The following INPP5B variants were observed in gnomAD, a reference collection of about 807,000 sequenced individuals.
The protein encoded by INPP5B is inositol polyphosphate-5-phosphatase B.
A neutral mutation model predicts 118.5 loss-of-function variants in INPP5B; 90 were observed. That is an observed-to-expected ratio of 0.76 (90% confidence interval 0.64 to 0.90). INPP5B has a LOEUF of 0.90. INPP5B is among the 40% of genes least tolerant of loss of function. The pLI, the probability that INPP5B is intolerant of heterozygous loss-of-function variation, is 0.00. For missense variants in INPP5B, 984 were observed against 1,125.6 expected (o/e 0.87, Z 1.80); for synonymous variants, 385 against 418.9 (o/e 0.92, Z 0.99).
chr1:37,864,354 G>T lies in INPP5B; in HGVS notation c.2584C>A (p.Leu862Met). ...HYLMAFLREL[L>M]KNSAKNHLDE... ...AAATGATTTTTTGCTGAATTTTTCAGCAGTTCTCGCAAAAACGCCATCAAG... is the reference window on the plus strand; with the variant it reads ...AAATGATTTTTTGCTGAATTTTTCATCAGTTCTCGCAAAAACGCCATCAAG... Residue 862 changes from leucine (L) to methionine (M), a missense_variant, in exon 23 of 24, where the codon CTG becomes ATG. Leu to Met is a conservative substitution (Grantham distance 15). Around this residue, in one of 2 missense-constraint regions of INPP5B, gnomAD observed 634 missense variants for 791.0 expected, o/e 0.80. Coordinates refer to ENST00000373024, the MANE Select transcript of INPP5B (RefSeq NM_005540.3). 6.2e-7 allele frequency: 1 copy of T among 1,612,788 alleles called. No homozygotes were observed.
At chr1:37,943,962 C>T (rs1015113251) in intron 3 of INPP5B, 69 bp from the exon 4 acceptor site, 13 of 1,162,788 alleles carry the variant, frequency 1.1e-5, no homozygotes, top group East Asian at 2.3e-5. Context: ...TTGGAGGTCT[C>T]GGGGTGCTCA....
chr1:37,910,202 G>A (rs747733898), intron 7 of INPP5B, among the ~76,000 whole-genome samples: 1 of 152,164 alleles, frequency 6.6e-6, no homozygotes, highest in Non-Finnish European at 1.5e-5. Context: ...TGGAGGGTAA[G>A]TCCATCCTCT....
chr1:37,864,292 A>T lies in INPP5B; in HGVS notation c.2626+20T>A. 7.3e-7 allele frequency: 1 copy of T among 1,373,032 alleles called. No homozygotes were observed. The highest frequency in any genetic ancestry group is 1.2e-5 in the South Asian group (1 of 84,052). 85.1% of individuals were successfully genotyped at this position (1,373,032 alleles called of 1,614,324 possible). ...CTCTCAGTTTGCAGAAATGCTTTCC[A>T]TAGACATTTGGCTGCTTACCTAGAA... On this transcript the variant is annotated intron_variant, in intron 23 of 23. Transcript: ENST00000373024.
intron 7 of INPP5B, among the ~76,000 whole-genome samples, chr1:37,911,305 G>T (rs2148601225): frequency 6.6e-6 from 1 of 152,104 alleles, no homozygotes; most frequent in African/African-American, 2.4e-5. Flanking sequence ...ACTCTTTGTT[G>T]AGTCTCCCAC....
At chr1:37,898,564 A>G (rs1390854153) in intron 7 of INPP5B, among the ~76,000 whole-genome samples, 1 of 152,076 alleles carries the variant, frequency 6.6e-6, no homozygotes, top group Non-Finnish European at 1.5e-5. Context: ...GAGCGGTGGC[A>G]GGCACCTGTA....
At chr1:37,881,300 G>A (rs755051131) in intron 14 of INPP5B, among the ~76,000 whole-genome samples, 6 of 152,166 alleles carry the variant, frequency 3.9e-5, no homozygotes, top group Non-Finnish European at 7.3e-5. Context: ...TCTTTAGAAA[G>A]ATTCACTGTC....
intron 21 of INPP5B, 86 bp from the exon 22 acceptor site, chr1:37,865,974 GCCTGC>G (rs1642004411): frequency 6.4e-7 from 1 of 1,569,438 alleles, no homozygotes; most frequent in Admixed American, 1.7e-5. Context: ...CAGAAGTGCT[GCCTGC>G]CCTGTCAGGC....
chr1:37,905,830 C>CT (rs1156710616), intron 7 of INPP5B, among the ~76,000 whole-genome samples: 1 of 152,172 alleles, frequency 6.6e-6, no homozygotes, highest in Non-Finnish European at 1.5e-5. Flanking sequence ...CTAAAGTAAT[C>CT]TTTTTGACTT....
In INPP5B at chr1:37,931,948, A is replaced by G. The variant is rs541879600; in HGVS notation, c.497T>C (p.Leu166Pro). 4.2e-5 allele frequency: 67 copies of G among 1,614,014 alleles called. No homozygotes were observed. In the East Asian group the frequency reaches 7.4e-4, roughly 18 times the overall value. Reference sequence around the variant, plus strand: ...TGTCGCGTACCCTGGCCAGGTAACTAGGGCCGAGTTACAACCGCGCGGCGT... The same window carrying G: ...TGTCGCGTACCCTGGCCAGGTAACTGGGGCCGAGTTACAACCGCGCGGCGT... ...MPTPRGCNSA[L>P]VTWPGYATIG... The change falls in exon 7 of 24, where the codon CTA becomes CCA. Residue 166 changes from leucine (L) to proline (P), a missense_variant. Transcript: ENST00000373024.
intron 12 of INPP5B, 102 bp from the exon 13 acceptor site, chr1:37,885,927 C>T (rs951362233): frequency 1.9e-5 from 20 of 1,060,378 alleles, no homozygotes; most frequent in Non-Finnish European, 2.5e-5. Flanking sequence ...CGCCTGTAAT[C>T]CCAGCACTTT....
At chr1:37,865,983 G>C (rs1308248328) in intron 21 of INPP5B, 95 bp from the exon 22 acceptor site, 1 of 1,558,220 alleles carries the variant, frequency 6.4e-7, no homozygotes, top group Non-Finnish European at 8.7e-7. Context: ...TGCCTGCCCT[G>C]TCAGGCTCTC....
intron 7 of INPP5B, among the ~76,000 whole-genome samples, chr1:37,910,276 C>T (rs1570253857): frequency 6.6e-6 from 1 of 152,180 alleles, no homozygotes; most frequent in African/African-American, 2.4e-5. Flanking sequence ...GTTTCCCTTG[C>T]CTCCATAACT....
intron 15 of INPP5B, 150 bp from the exon 16 acceptor site, chr1:37,878,473 A>C: frequency 6.9e-7 from 1 of 1,450,284 alleles, no homozygotes; most frequent in East Asian, 2.5e-5. Context: ...ATTCGGGCCC[A>C]CCAAGGGATA....
rs1297506946 is a variant in INPP5B at position 37,885,635 on chromosome 1, C to T, written c.1319+3G>A. 6.2e-7 allele frequency: 1 copy of T among 1,613,176 alleles called. No individual in the cohort carries two copies. Among genetic ancestry groups the T allele is most frequent in the Admixed American group, 1.7e-5 (1 of 60,002 alleles). ...ACCGCATGGGGTGGAAGCCCAGACTCACTCATGGTTGCTGATGGTGAGAGG... is the reference window on the plus strand; with the variant it reads ...ACCGCATGGGGTGGAAGCCCAGACTTACTCATGGTTGCTGATGGTGAGAGG... On this transcript the variant is annotated splice_donor_region_variant and intron_variant, in intron 13 of 23. Transcript: ENST00000373024.
At chr1:37,926,507 C>T (rs540642038) in intron 7 of INPP5B, among the ~76,000 whole-genome samples, 7 of 152,284 alleles carry the variant, frequency 4.6e-5, no homozygotes, top group Admixed American at 4.6e-4. Context: ...TGGTCTTGAA[C>T]TCCTGACCTT....
chr1:37,925,589 T>C (rs557771209), intron 7 of INPP5B, among the ~76,000 whole-genome samples: 2 of 152,272 alleles, frequency 1.3e-5, no homozygotes, highest in African/African-American at 4.8e-5. Flanking sequence ...CTAGCATCTA[T>C]CCTCCAACAG....
chr1:37,898,354 C>G (rs1033689518), intron 7 of INPP5B, among the ~76,000 whole-genome samples: 7 of 152,128 alleles, frequency 4.6e-5, no homozygotes, highest in Non-Finnish European at 5.9e-5. Flanking sequence ...AATGGTGATA[C>G]ATGGTAGTAT....
At chr1:37,884,671 G>A (rs1382702491) in intron 13 of INPP5B, among the ~76,000 whole-genome samples, 7 of 152,142 alleles carry the variant, frequency 4.6e-5, no homozygotes, top group Admixed American at 4.6e-4. Context: ...AAAACAAATG[G>A]CCGGGCGTGG....
chr1:37,887,741 G>A (rs1168762136), intron 10 of INPP5B, among the ~76,000 whole-genome samples: 2 of 152,076 alleles, frequency 1.3e-5, no homozygotes, highest in African/African-American at 4.8e-5. Context: ...CAAGCACCAA[G>A]TGGCAAACTG....
Sources: allele counts gnomAD v4.1 joint callset (sites outside exome capture counted in the v4.1 genomes callset), GRCh38; gene constraint gnomAD v4.1.1; regional missense constraint gnomAD v4.1.1; transcripts MANE v1.5; gene names NCBI Gene and HGNC (gene_info 2026-07-23, HGNC 2026-07-21).